The following MYLK variants were observed in gnomAD, a reference collection of about 807,000 sequenced individuals.
MYLK encodes the protein myosin light chain kinase, smooth muscle.
A neutral mutation model predicts 203.4 loss-of-function variants in MYLK; 106 were observed. The observed-to-expected ratio is 0.52, with a 90% CI of 0.45 to 0.61. The LOEUF (loss-of-function observed/expected upper bound fraction) is 0.61, where lower values mean the gene tolerates loss of function less well. Ranked by LOEUF, MYLK falls within the 20% of genes least tolerant of loss-of-function variation. The pLI is 0.00. For missense variants in MYLK, 2,072 were observed against 2,442.3 expected, an observed-to-expected ratio of 0.85 and a Z score of 3.20; for synonymous variants, 867 against 959.5, an observed-to-expected ratio of 0.90 and a Z score of 1.78.
rs1483150819 is a variant in MYLK at position 123,701,284 on chromosome 3, T to C, written c.2462+154A>G. 4.3e-5 allele frequency among the ~76,000 whole-genome samples: 6 copies of C among 138,084 alleles called. No homozygotes were observed. The East Asian group carries it at 1.3e-3, about 31-fold the overall frequency. 90.6% of individuals were successfully genotyped at this position (138,084 alleles called of 152,430 possible). A position where few individuals can be genotyped will look rare whatever the true frequency, so the allele number is the denominator to read the frequency against. Reference sequence around the variant, plus strand: ...CACCCCCTCCTTCCCCTGCTCTCCCTCCCTCATTCCCCTTCCAGGCTCTCC... The same window carrying C: ...CACCCCCTCCTTCCCCTGCTCTCCCCCCCTCATTCCCCTTCCAGGCTCTCC... On this transcript the variant is annotated intron_variant, in intron 17 of 33. Coordinates refer to ENST00000360304, the MANE Select transcript of MYLK (RefSeq NM_053025.4).
At chr3:123,733,314 C>A (rs890327358) in intron 10 of MYLK, among the ~76,000 whole-genome samples, 5 of 152,064 alleles carry the variant, frequency 3.3e-5, no homozygotes, top group Non-Finnish European at 7.3e-5. Flanking sequence ...ATGAATACAG[C>A]GTGATGGGCA....
chr3:123,718,128 C>G (rs1389316294), intron 13 of MYLK, among the ~76,000 whole-genome samples: 1 of 152,122 alleles, frequency 6.6e-6, no homozygotes. Flanking sequence ...TCCCAAAGTG[C>G]TGGGATTACA....
At chr3:123,806,821 C>A (rs1187615481) in intron 3 of MYLK, among the ~76,000 whole-genome samples, 1 of 151,974 alleles carries the variant, frequency 6.6e-6, no homozygotes, top group African/African-American at 2.4e-5. Context: ...CATCACTACA[C>A]CTGGCTAATT....
chr3:123,630,000 C>G lies in MYLK; in HGVS notation c.4962-374G>C, dbSNP rs369316117. On this transcript the variant is annotated intron_variant, in intron 29 of 33. Transcript: ENST00000360304. This position sits in a 1 kb window ranked among gnomAD's most constrained non-coding sequence, Gnocchi z 4.4. ...CCCCTTCCTCCCGTGCTCCTGCCCC[C>G]TCTCTGTGGACTGGGCACATGGTAG... is the stretch of plus-strand genomic sequence containing the variant. 2.6e-4 allele frequency among the ~76,000 whole-genome samples: 39 copies of G among 152,258 alleles called. No homozygotes were observed. The highest frequency in any genetic ancestry group is 8.4e-4 in the African/African-American group (35 of 41,544).
chr3:123,713,366 T>TG (rs1292520187), intron 13 of MYLK, among the ~76,000 whole-genome samples: 3 of 152,068 alleles, frequency 2.0e-5, no homozygotes, highest in Non-Finnish European at 4.4e-5. Flanking sequence ...ATGGGGCCAG[T>TG]GTGGGCAGAC....
chr3:123,767,075 C>T (rs902568397), intron 4 of MYLK, among the ~76,000 whole-genome samples: 10 of 152,180 alleles, frequency 6.6e-5, no homozygotes, highest in South Asian at 2.1e-4. Context: ...TGCCCAGTTA[C>T]GTAGTAAAAA....
intron 33 of MYLK, chr3:123,616,434 A>C (rs1370523251): frequency 2.0e-5 from 3 of 152,242 alleles, no homozygotes; most frequent in Admixed American, 1.3e-4. Flanking sequence ...GTTTGCAGGT[A>C]CATAGTATAT....
At chr3:123,762,406 T>C (rs909979597) in intron 4 of MYLK, among the ~76,000 whole-genome samples, 1 of 151,952 alleles carries the variant, frequency 6.6e-6, no homozygotes. Context: ...ATTTTTCATA[T>C]TTTTGGTAAA....
At chr3:123,663,669 C>A (rs991667535) in intron 23 of MYLK, among the ~76,000 whole-genome samples, 5 of 152,064 alleles carry the variant, frequency 3.3e-5, no homozygotes, top group African/African-American at 1.2e-4. Flanking sequence ...AAGGGAGCAG[C>A]CTTTGGTGGG....
chr3:123,715,090 C>A (rs1230097176), intron 13 of MYLK, among the ~76,000 whole-genome samples: 3 of 152,190 alleles, frequency 2.0e-5, no homozygotes, highest in Admixed American at 2.0e-4. Context: ...TACGCACTCT[C>A]CCCTTTATGA....
intron 23 of MYLK, among the ~76,000 whole-genome samples, chr3:123,663,139 G>A (rs944444096): frequency 6.6e-6 from 1 of 152,146 alleles, no homozygotes; most frequent in Non-Finnish European, 1.5e-5. Context: ...CCTGCCACAC[G>A]GGGAACAACT....
At chr3:123,835,475 A>C (rs2148634287) in intron 2 of MYLK, among the ~76,000 whole-genome samples, 1 of 152,336 alleles carries the variant, frequency 6.6e-6, no homozygotes, top group African/African-American at 2.4e-5. Flanking sequence ...AGAAATAAGG[A>C]CAAAGAGTAA....
intron 18 of MYLK, among the ~76,000 whole-genome samples, chr3:123,698,045 T>C (rs1326526879): frequency 6.6e-6 from 1 of 152,198 alleles, no homozygotes; most frequent in Non-Finnish European, 1.5e-5. Context: ...AGACCAGGCC[T>C]GGGGTCTGCC....
intron 29 of MYLK, among the ~76,000 whole-genome samples, chr3:123,633,641 G>A (rs1193066537): frequency 6.6e-6 from 1 of 152,170 alleles, no homozygotes; most frequent in Non-Finnish European, 1.5e-5. Context: ...TTGATTTTTA[G>A]TGGTCAAATA....
chr3:123,614,031 T>G lies in MYLK; in HGVS notation c.*74A>C, dbSNP rs1559956175. On this transcript the variant is annotated 3_prime_UTR_variant, in exon 34 of 34. Transcript: ENST00000360304. ...CTAGGTGCTTTTACTATCTTGAGTTTTTTTTTTTTTTTTGAGTTTTAGAGA... is the reference window on the plus strand; with the variant it reads ...CTAGGTGCTTTTACTATCTTGAGTTGTTTTTTTTTTTTTGAGTTTTAGAGA... 3 of 1,491,416 alleles carry G rather than the reference T, an allele frequency of 2.0e-6. No individual in the cohort carries two copies. Among genetic ancestry groups the G allele is most frequent in the Non-Finnish European group, 2.7e-6 (3 of 1,103,454 alleles). The allele number at this position is 1,491,416 out of a possible 1,614,324, so 92.4% of individuals were successfully genotyped here.
At chr3:123,873,658 A>G (rs1419237206) in intron 2 of MYLK, among the ~76,000 whole-genome samples, 1 of 152,148 alleles carries the variant, frequency 6.6e-6, no homozygotes, top group East Asian at 1.9e-4. Context: ...GCTCAGGGAA[A>G]TAGTTAAGAG....
At chr3:123,713,857 T>G (rs1260567771) in intron 13 of MYLK, among the ~76,000 whole-genome samples, 4 of 152,206 alleles carry the variant, frequency 2.6e-5, no homozygotes, top group Non-Finnish European at 5.9e-5. Flanking sequence ...CTGAGAAGTA[T>G]GATGTCTGCA....
At chr3:123,731,188 C>T (rs2062462767) in intron 11 of MYLK, among the ~76,000 whole-genome samples, 1 of 152,166 alleles carries the variant, frequency 6.6e-6, no homozygotes, top group Non-Finnish European at 1.5e-5. Context: ...CCTACCAGCA[C>T]TCCCACCTGC....
Position 123,648,376 on chromosome 3 carries a change from G to C in MYLK, c.4415+595C>G, listed in dbSNP as rs2059095413. On this transcript the variant is annotated intron_variant, in intron 26 of 33. Transcript: ENST00000360304. This position sits in a 1 kb window ranked among gnomAD's most constrained non-coding sequence, Gnocchi z 4.5. ...GCACTAACGCAGGCATTGCTTTACA[G>C]TGAGCACTGATCAGGCTACACTGAC... Among the ~76,000 whole-genome samples the C allele has an allele frequency of 6.6e-6, 1 of 152,228 alleles. No homozygotes were observed. The highest frequency in any genetic ancestry group is 1.5e-5 in the Non-Finnish European group (1 of 68,034).
Sources: allele counts gnomAD v4.1 joint callset (sites outside exome capture counted in the v4.1 genomes callset), GRCh38; gene constraint gnomAD v4.1.1; non-coding constraint Gnocchi (gnomAD v3.1); transcripts MANE v1.5; gene names NCBI Gene and HGNC (gene_info 2026-07-23, HGNC 2026-07-21).